EPC1: variants seen among roughly 807,000 people sequenced by gnomAD.
EPC1 encodes the protein enhancer of polycomb 1, also known as enhancer of polycomb homolog 1.
EPC1 carries 12 observed loss-of-function variants against 98.4 expected under a neutral mutation model. The ratio of observed to expected loss-of-function variants is 0.12; its 90% CI spans 0.08 to 0.20. EPC1 has a LOEUF of 0.20. Ranked by LOEUF, EPC1 falls within the 10% of genes least tolerant of loss-of-function variation. The pLI, the probability that EPC1 is intolerant of heterozygous loss-of-function variation, is 1.00. For synonymous variants in EPC1, 357 were observed against 363.9 expected (o/e 0.98, Z 0.21); for missense variants, 729 against 990.5 (o/e 0.74, Z 3.54).
At chr10:32,347,205 C>G (rs1048593204), upstream of EPC1, 1 of 1,230,864 alleles carries the variant, frequency 8.1e-7, no homozygotes. Context: ...CATCGCGCAG[C>G]GGCGCGGGCA....
intron 1 of EPC1, chr10:32,345,513 T>A (rs1329195950): frequency 1.0e-6 from 1 of 985,532 alleles, no homozygotes; most frequent in Admixed American, 6.1e-5. Context: ...ACGCGACTCC[T>A]GGACTTCCTT....
chr10:32,372,829 T>C (rs1839788344), intron 1 of EPC1, among the ~76,000 whole-genome samples: 1 of 152,210 alleles, frequency 6.6e-6, no homozygotes, highest in African/African-American at 2.4e-5. Context: ...GAGACTAGCC[T>C]GGCCAACATG....
At chr10:32,269,378 A>G in intron 13 of EPC1, 1 of 351,336 alleles carries the variant, frequency 2.8e-6, no homozygotes, top group Non-Finnish European at 5.2e-6. Flanking sequence ...TACTCAAGCA[A>G]CCTAGATGTT....
intron 1 of EPC1, among the ~76,000 whole-genome samples, chr10:32,363,122 A>G (rs914784952): frequency 9.2e-5 from 14 of 152,216 alleles, no homozygotes; most frequent in Non-Finnish European, 1.9e-4. Flanking sequence ...CACCTGGGCT[A>G]GAGTGCAGTG....
In EPC1 at chr10:32,293,616, G is replaced by C; in HGVS notation, c.435C>G (p.Arg145=). The part of the protein sequence containing the change: ...CPLQFEEMID[R]LEKGSGQQPV... ...CCTGCTGACCACTGCCTTTTTCTAGGCGGTCAATCATCTCCTCAAATTGCA... is the reference window on the plus strand; with the variant it reads ...CCTGCTGACCACTGCCTTTTTCTAGCCGGTCAATCATCTCCTCAAATTGCA... The change falls in exon 3 of 14, where the codon CGC becomes CGG. Residue 145 remains arginine (R), a synonymous_variant. Transcript: ENST00000319778. The C allele has an allele frequency of 6.2e-7, 1 of 1,613,150 alleles. No homozygotes were observed. Among genetic ancestry groups the C allele is most frequent in the Middle Eastern group, 1.7e-4 (1 of 6,052 alleles).
At chr10:32,346,737 G>A in intron 1 of EPC1, 26 bp downstream of exon 1, 2 of 1,604,296 alleles carry the variant, frequency 1.2e-6, no homozygotes, top group Non-Finnish European at 8.5e-7. Context: ...CCTGACGGTG[G>A]GTCGGACAGG....
At chr10:32,309,061 T>A (rs1836042251) in intron 1 of EPC1, among the ~76,000 whole-genome samples, 1 of 152,170 alleles carries the variant, frequency 6.6e-6, no homozygotes, top group Non-Finnish European at 1.5e-5. Flanking sequence ...ATATTCTCGC[T>A]CATTATGTGG....
chr10:32,322,480 C>A (rs1208883942), intron 1 of EPC1, among the ~76,000 whole-genome samples: 1 of 152,060 alleles, frequency 6.6e-6, no homozygotes, highest in African/African-American at 2.4e-5. Flanking sequence ...ATGTGATGAA[C>A]TAAATAGGTT....
At chr10:32,314,704 A>AG (rs1836451091) in intron 1 of EPC1, among the ~76,000 whole-genome samples, 1 of 152,216 alleles carries the variant, frequency 6.6e-6, no homozygotes, top group Non-Finnish European at 1.5e-5. Context: ...AACAGGCCAT[A>AG]TCACTAATGT....
intron 1 of EPC1, among the ~76,000 whole-genome samples, chr10:32,356,755 C>T (rs1026358901): frequency 6.6e-6 from 1 of 152,098 alleles, no homozygotes; most frequent in South Asian, 2.1e-4. Flanking sequence ...GAGGCCGAGG[C>T]GGGCGGATCA....
At chr10:32,304,779 C>T (rs1020458475) in intron 2 of EPC1, among the ~76,000 whole-genome samples, 36 of 151,916 alleles carry the variant, frequency 2.4e-4, no homozygotes, top group African/African-American at 8.2e-4. Flanking sequence ...ATTAGCTGGG[C>T]GTGGTGGCAT....
exon 1 of EPC1, chr10:32,378,572 A>G: frequency 1.9e-6 from 2 of 1,068,002 alleles, no homozygotes; most frequent in Admixed American, 4.7e-5. Flanking sequence ...CCTAGAAACA[A>G]CAGCCTCCAG....
Position 32,319,552 on chromosome 10 carries a change from A to G in EPC1, c.154-13621T>C, listed in dbSNP as rs142060287. On this transcript the variant is annotated intron_variant, in intron 1 of 13. Coordinates refer to ENST00000319778, the MANE Select transcript of EPC1 (RefSeq NM_001272004.3). ...CCCTTATGTGACATTTCAGCTGGAA[A>G]TGCAAAACTTCAATATGAGAAAACA... Among the ~76,000 whole-genome samples the G allele has an allele frequency of 4.0e-3, 615 of 152,340 alleles. 7 individuals are homozygous for G. The highest frequency in any genetic ancestry group is 0.014 in the African/African-American group (583 of 41,574).
chr10:32,279,804 T>TA (rs374046732), intron 10 of EPC1, among the ~76,000 whole-genome samples: 78 of 152,118 alleles, frequency 5.1e-4, no homozygotes, highest in Non-Finnish European at 8.2e-4. Context: ...TTGTGAGTAT[T>TA]AAAAAAACAA....
intron 10 of EPC1, 48 bp downstream of exon 10, chr10:32,284,650 T>C (rs770494543): frequency 2.1e-6 from 3 of 1,449,608 alleles, no homozygotes; most frequent in East Asian, 4.6e-5. Context: ...GGGAAATGGT[T>C]GGACCTGACA....
intron 1 of EPC1, among the ~76,000 whole-genome samples, chr10:32,336,878 T>A (rs1033879734): frequency 6.6e-6 from 1 of 152,250 alleles, no homozygotes; most frequent in Admixed American, 6.5e-5. Flanking sequence ...TTCATACTTT[T>A]CAAATGAAAT....
intron 2 of EPC1, among the ~76,000 whole-genome samples, chr10:32,295,141 T>C (rs1308174195): frequency 6.6e-6 from 1 of 152,122 alleles, no homozygotes; most frequent in South Asian, 2.1e-4. Flanking sequence ...CCTATTAGAA[T>C]GTGTGTGATC....
upstream of EPC1, among the ~76,000 whole-genome samples, chr10:32,350,603 G>T (rs56383092): frequency 0.034 from 5,156 of 152,282 alleles, 279 homozygotes; most frequent in African/African-American, 0.12. Flanking sequence ...CCAACAACAA[G>T]CCAATTAGGA....
At chr10:32,332,198 G>A (rs1217700665) in intron 1 of EPC1, among the ~76,000 whole-genome samples, 2 of 152,188 alleles carry the variant, frequency 1.3e-5, no homozygotes, top group African/African-American at 4.8e-5. Context: ...TTAGGGCTTG[G>A]AAAGGCTTCA....
Sources: allele counts gnomAD v4.1 joint callset (sites outside exome capture counted in the v4.1 genomes callset), GRCh38; gene constraint gnomAD v4.1.1; transcripts MANE v1.5; gene names NCBI Gene and HGNC (gene_info 2026-07-23, HGNC 2026-07-21).